The following RINT1 variants were observed in gnomAD, a reference collection of about 807,000 sequenced individuals.
RINT1 encodes RAD50-interacting protein 1.
A neutral mutation model predicts 97.7 loss-of-function variants in RINT1; 75 were observed. The observed-to-expected ratio is 0.77, with a 90% CI of 0.64 to 0.93. The LOEUF is 0.93. Ranked by LOEUF, RINT1 falls within the 40% of genes least tolerant of loss-of-function variation. The probability of loss-of-function intolerance (pLI) is 0.00; values close to 1 mark genes in which losing one functional copy is unlikely to be tolerated. For missense variants in RINT1, 892 were observed against 925.2 expected (o/e 0.96, Z 0.47); for synonymous variants, 303 against 326.3 (o/e 0.93, Z 0.77).
chr7:105,540,408 C>G (rs1414946667), intron 3 of RINT1, among the ~76,000 whole-genome samples: 1 of 152,054 alleles, frequency 6.6e-6, no homozygotes, highest in East Asian at 1.9e-4. Flanking sequence ...ATTACAGGCT[C>G]ATACTACCAC....
Position 105,555,216 on chromosome 7 carries a change from G to A in RINT1, c.1660G>A (p.Ala554Thr), listed in dbSNP as rs769303044. 4 of 1,612,770 alleles carry A rather than the reference G, an allele frequency of 2.5e-6. No homozygotes were observed. In the South Asian group the frequency reaches 4.4e-5, roughly 18 times the overall value. ...CATCTCAACAGTACTAGCAGATTGG[G>A]CTGACAATGTTGTGAGTTAATATGC... ...NYISTVLADW[A>T]DNVFFLQLQQ... Residue 554 changes from alanine to threonine, a missense_variant, in exon 11 of 15, where the codon GCT (alanine) becomes ACT (threonine). By Grantham distance (58) the Ala-to-Thr change is moderately conservative (BLOSUM62 0). Coordinates refer to ENST00000257700, the MANE Select transcript of RINT1 (RefSeq NM_021930.6).
intron 4 of RINT1, among the ~76,000 whole-genome samples, chr7:105,546,648 C>T (rs1033942868): frequency 5.9e-5 from 9 of 152,200 alleles, no homozygotes; most frequent in African/African-American, 1.4e-4. Context: ...CCGAGGCGGT[C>T]GGATCACTTG....
chr7:105,547,064 C>G lies in RINT1; in HGVS notation c.670C>G (p.Leu224Val), dbSNP rs771733562. The change falls in exon 5 of 15, where the codon CTC (leucine) becomes GTC (valine). Residue 224 changes from leucine to valine, a missense_variant. By Grantham distance (32) the Leu-to-Val change is conservative (BLOSUM62 1). Coordinates refer to ENST00000257700, the MANE Select transcript of RINT1 (RefSeq NM_021930.6). ...RATVKFWHKI[L>V]KDKLTSDFEE... ...CACAGTTAAATTCTGGCATAAAATT[C>G]TCAAGGACAAGCTTACAAGGTAGGG... The G allele has an allele frequency of 6.8e-6, 11 of 1,613,684 alleles. No homozygotes were observed. The highest frequency in any genetic ancestry group is 2.7e-5 in the African/African-American group (2 of 74,902).
At chr7:105,542,372 G>A in intron 3 of RINT1, 36 bp from the exon 4 acceptor site, 2 of 1,475,766 alleles carry the variant, frequency 1.4e-6, no homozygotes, top group Non-Finnish European at 1.9e-6. Context: ...GATTGCTGCT[G>A]TTCTTTCTTT....
At chr7:105,552,230 C>A (rs1790959529) in intron 10 of RINT1, among the ~76,000 whole-genome samples, 1 of 151,996 alleles carries the variant, frequency 6.6e-6, no homozygotes, top group Non-Finnish European at 1.5e-5. Flanking sequence ...GGAAAACTTC[C>A]TGAATAATTA....
At position 105,536,783 on chromosome 7, in the gene RINT1, T is replaced by C. The variant is rs115083457; in HGVS notation, c.273+34T>C. Reference sequence around the variant, plus strand: ...TGAAACTCACTGAAATAATTATCAGTGGAATACTTTTAACAATATAATATA... The same window carrying C: ...TGAAACTCACTGAAATAATTATCAGCGGAATACTTTTAACAATATAATATA... On this transcript the variant is annotated intron_variant, in intron 3 of 14. Transcript: ENST00000257700. 1.0e-3 allele frequency: 1,312 copies of C among 1,315,810 alleles called. 9 individuals are homozygous for C. In the African/African-American group the frequency reaches 0.015, roughly 15 times the overall value. The allele number at this position is 1,315,810 out of a possible 1,614,324, so 81.5% of individuals were successfully genotyped here.
At chr7:105,540,781 C>T (rs888412940) in intron 3 of RINT1, among the ~76,000 whole-genome samples, 5 of 151,596 alleles carry the variant, frequency 3.3e-5, no homozygotes, top group African/African-American at 1.2e-4. Flanking sequence ...TCAGAATCAC[C>T]TGGGGTATGT....
At chr7:105,551,977 A>G (rs1292091803) in intron 10 of RINT1, among the ~76,000 whole-genome samples, 1 of 152,048 alleles carries the variant, frequency 6.6e-6, no homozygotes. Flanking sequence ...CTGAGGTGGG[A>G]GGATTTTTTG....
At chr7:105,566,877 G>A (rs1791777157) in intron 14 of RINT1, 1 of 278,040 alleles carries the variant, frequency 3.6e-6, no homozygotes, top group Non-Finnish European at 6.6e-6. Flanking sequence ...ATTGTATTTA[G>A]GGAAATAACG....
At chr7:105,559,216 G>A (rs1791318801) in intron 11 of RINT1, among the ~76,000 whole-genome samples, 1 of 152,032 alleles carries the variant, frequency 6.6e-6, no homozygotes, top group Non-Finnish European at 1.5e-5. Context: ...CCAACATGGT[G>A]GAATCCCGTC....
At chr7:105,560,030 G>C (rs1791370563) in intron 11 of RINT1, among the ~76,000 whole-genome samples, 1 of 152,190 alleles carries the variant, frequency 6.6e-6, no homozygotes, top group African/African-American at 2.4e-5. Context: ...GTTGGGATGT[G>C]GGGTGAGATA....
intron 1 of RINT1, 120 bp downstream of exon 1, chr7:105,532,477 G>T: frequency 8.5e-7 from 1 of 1,181,454 alleles, no homozygotes; most frequent in South Asian, 1.3e-5. Flanking sequence ...TGCTTCCTGC[G>T]GCTTAGATTA....
chr7:105,546,104 C>T (rs1387122289), intron 4 of RINT1, among the ~76,000 whole-genome samples: 1 of 152,176 alleles, frequency 6.6e-6, no homozygotes, highest in Non-Finnish European at 1.5e-5. Context: ...GCTGGGATTA[C>T]AGGGTTGAGC....
At chr7:105,547,478 G>C in intron 6 of RINT1, 145 bp downstream of exon 6, 2 of 763,854 alleles carry the variant, frequency 2.6e-6, no homozygotes, top group Non-Finnish European at 4.2e-6. Context: ...TCCACTGAGT[G>C]GTGGACTGTA....
intron 10 of RINT1, among the ~76,000 whole-genome samples, chr7:105,552,904 C>T (rs1005606723): frequency 1.3e-5 from 2 of 151,870 alleles, no homozygotes; most frequent in Non-Finnish European, 2.9e-5. Context: ...GAACTCCTGA[C>T]CTTGTGATCC....
chr7:105,541,171 C>G (rs1790442436), intron 3 of RINT1, among the ~76,000 whole-genome samples: 1 of 150,228 alleles, frequency 6.7e-6, no homozygotes, highest in Non-Finnish European at 1.5e-5. Context: ...AGGAGTCTTG[C>G]TCTGTCACCC....
chr7:105,546,830 A>G (rs1343984984), intron 4 of RINT1, 80 bp from the exon 5 acceptor site: 75 of 987,224 alleles, frequency 7.6e-5, no homozygotes, highest in Non-Finnish European at 3.0e-6. Context: ...GAGCCAAATC[A>G]TGCCACTGCA....
intron 11 of RINT1, among the ~76,000 whole-genome samples, chr7:105,561,534 TA>T (rs972937455): frequency 1.3e-5 from 2 of 151,798 alleles, no homozygotes; most frequent in Non-Finnish European, 2.9e-5. Context: ...TCTCAAAAAA[TA>T]AAAAAAACAA....
chr7:105,566,995 A>AAATATTTTTATAGAGAACATGTGGACC, intron 14 of RINT1, 124 bp from the exon 15 acceptor site: 1 of 500,502 alleles, frequency 2.0e-6, no homozygotes, highest in East Asian at 3.3e-5. Context: ...ATAAATCCAT[A>AAATATTTTTATAGAGAACATGTGGACC]AATATTTTTA....
Sources: allele counts gnomAD v4.1 joint callset (sites outside exome capture counted in the v4.1 genomes callset), GRCh38; gene constraint gnomAD v4.1.1; transcripts MANE v1.5; gene names NCBI Gene and HGNC (gene_info 2026-07-23, HGNC 2026-07-21).